The following NEGR1 variants were observed in gnomAD, a reference collection of about 807,000 sequenced individuals.
NEGR1 encodes IgLON family member 4.
A neutral mutation model predicts 40.9 loss-of-function variants in NEGR1; 10 were observed. The ratio of observed to expected loss-of-function variants is 0.24; its 90% CI spans 0.15 to 0.42. The LOEUF is 0.42. NEGR1 is among the 10% of genes least tolerant of loss of function. The pLI is 1.00. For missense variants in NEGR1, 352 were observed against 438.9 expected (o/e 0.80, Z 1.77); for synonymous variants, 185 against 166.8 (o/e 1.11, Z -0.84).
chr1:72,036,498 A>T (rs111504077), intron 1 of NEGR1, among the ~76,000 whole-genome samples: 3,025 of 152,030 alleles, frequency 0.02, 34 homozygotes, highest in Middle Eastern at 0.065. Context: ...TCTACTAAAA[A>T]TACAAAAATT....
intron 1 of NEGR1, among the ~76,000 whole-genome samples, chr1:72,174,958 T>G (rs1374722498): frequency 6.6e-6 from 1 of 151,248 alleles, no homozygotes; most frequent in Non-Finnish European, 1.5e-5. Context: ...ATTTTCTTTT[T>G]ATTTTATTTT....
intron 2 of NEGR1, among the ~76,000 whole-genome samples, chr1:71,857,389 A>T (rs778905506): frequency 6.8e-6 from 1 of 147,670 alleles, no homozygotes; most frequent in Non-Finnish European, 1.5e-5. Flanking sequence ...AGGGAGGTAG[A>T]GTGCTTGAGC....
At chr1:71,807,006 C>T (rs1657801139) in intron 2 of NEGR1, among the ~76,000 whole-genome samples, 1 of 151,458 alleles carries the variant, frequency 6.6e-6, no homozygotes, top group Non-Finnish European at 1.5e-5. Context: ...CATTCTCCTG[C>T]CTCAGCCTCC....
rs563558538 is a variant in NEGR1 at position 71,817,494 on chromosome 1, C to T, written c.410-41197G>A. The stretch of plus-strand genomic sequence containing the variant: ...GCGCTATTCCCTAATAAACATCTTA[C>T]ATGCAAACCCAGCATCTGCTTCCAG... On this transcript the variant is annotated intron_variant, in intron 2 of 6. Transcript: ENST00000357731. 6.4e-4 allele frequency among the ~76,000 whole-genome samples: 97 copies of T among 152,182 alleles called. 2 individuals carry two copies. The South Asian group carries it at 7.9e-3, about 12-fold the overall frequency.
chr1:71,857,457 CAAAAAA>C (rs34177437), intron 2 of NEGR1, among the ~76,000 whole-genome samples: 36 of 77,652 alleles, frequency 4.6e-4, no homozygotes, highest in South Asian at 4.5e-4. Context: ...ACAAAAAATA[CAAAAAA>C]AAAAAAAAAA....
At chr1:72,039,710 G>A (rs1646935394) in intron 1 of NEGR1, among the ~76,000 whole-genome samples, 1 of 151,928 alleles carries the variant, frequency 6.6e-6, no homozygotes, top group Non-Finnish European at 1.5e-5. Context: ...TGAATATGAG[G>A]TCAAATAATA....
In NEGR1 at chr1:71,397,653, T is replaced by C. The variant is rs1646221004; in HGVS notation, c.*9793A>G. ...GCATTCAGTTTTAAAAGGGAAACAG[T>C]ATAAAAGTTTGAAAAATTTACAGAC... On this transcript the variant is annotated 3_prime_UTR_variant, in exon 7 of 7. Coordinates refer to ENST00000357731, the MANE Select transcript of NEGR1 (RefSeq NM_173808.3). 1 of 152,116 alleles carries C rather than the reference T, an allele frequency of 6.6e-6. No homozygotes were observed. Among genetic ancestry groups the C allele is most frequent in the Non-Finnish European group, 1.5e-5 (1 of 68,010 alleles). 9.4% of individuals were successfully genotyped at this position (152,116 alleles called of 1,614,324 possible). A position where few individuals can be genotyped will look rare whatever the true frequency, so the allele number is the denominator to read the frequency against.
chr1:71,470,053 A>G (rs145845597), intron 6 of NEGR1, among the ~76,000 whole-genome samples: 69 of 152,234 alleles, frequency 4.5e-4, no homozygotes, highest in African/African-American at 1.6e-3. Context: ...TTTGTGTGAA[A>G]TAAAGGGACT....
intron 6 of NEGR1, among the ~76,000 whole-genome samples, chr1:71,586,671 T>C (rs1400727762): frequency 6.6e-6 from 1 of 152,146 alleles, no homozygotes; most frequent in East Asian, 1.9e-4. Context: ...GTCTCTCCCA[T>C]ATGCCACTAA....
intron 6 of NEGR1, among the ~76,000 whole-genome samples, chr1:71,521,065 A>G (rs190913076): frequency 5.9e-5 from 9 of 152,150 alleles, no homozygotes; most frequent in African/African-American, 2.2e-4. Context: ...CAGCCCGTTA[A>G]TTTGGGAATT....
At chr1:71,831,947 A>AG (rs1413529887) in intron 2 of NEGR1, among the ~76,000 whole-genome samples, 1 of 151,874 alleles carries the variant, frequency 6.6e-6, no homozygotes, top group Non-Finnish European at 1.5e-5. Flanking sequence ...ATATGGTAAG[A>AG]GGAAACAACT....
intron 2 of NEGR1, among the ~76,000 whole-genome samples, chr1:71,934,806 T>C (rs914144881): frequency 5.9e-5 from 9 of 152,136 alleles, no homozygotes; most frequent in Non-Finnish European, 1.3e-4. Context: ...AATACTTGCA[T>C]ACCTTTTTTT....
At chr1:71,974,578 G>C (rs961379594) in intron 1 of NEGR1, among the ~76,000 whole-genome samples, 2 of 151,998 alleles carry the variant, frequency 1.3e-5, no homozygotes, top group African/African-American at 4.8e-5. Context: ...ATTAATAAAA[G>C]TAATAGTGGT....
intron 3 of NEGR1, among the ~76,000 whole-genome samples, chr1:71,767,850 A>T (rs922451577): frequency 6.6e-6 from 1 of 152,188 alleles, no homozygotes; most frequent in Non-Finnish European, 1.5e-5. Context: ...GCATCCCAGC[A>T]ACTCCAGCTC....
intron 2 of NEGR1, among the ~76,000 whole-genome samples, chr1:71,852,402 T>A (rs1193788381): frequency 1.3e-5 from 2 of 152,098 alleles, no homozygotes; most frequent in Non-Finnish European, 2.9e-5. Context: ...TATTTTTTCA[T>A]CAAACATTAA....
chr1:71,931,486 C>T (rs1401812582), intron 2 of NEGR1, among the ~76,000 whole-genome samples: 1 of 151,956 alleles, frequency 6.6e-6, no homozygotes, highest in East Asian at 1.9e-4. Flanking sequence ...CTGAGAAGTC[C>T]AACAGCATAG....
chr1:72,158,671 T>C (rs898348379), intron 1 of NEGR1, among the ~76,000 whole-genome samples: 2 of 152,196 alleles, frequency 1.3e-5, no homozygotes, highest in African/African-American at 4.8e-5. Flanking sequence ...GAGTTATCTA[T>C]ATAGACATGA....
chr1:72,072,707 A>G (rs1358561544), intron 1 of NEGR1, among the ~76,000 whole-genome samples: 1 of 151,820 alleles, frequency 6.6e-6, no homozygotes, highest in African/African-American at 2.4e-5. Context: ...TCTTCTGGCT[A>G]GCAAAGGCAT....
At chr1:71,822,478 T>C (rs1658465399) in intron 2 of NEGR1, among the ~76,000 whole-genome samples, 1 of 151,942 alleles carries the variant, frequency 6.6e-6, no homozygotes, top group African/African-American at 2.4e-5. Flanking sequence ...CAAATATGAA[T>C]ACTACACATG....
Sources: allele counts gnomAD v4.1 joint callset (sites outside exome capture counted in the v4.1 genomes callset), GRCh38; gene constraint gnomAD v4.1.1; transcripts MANE v1.5; gene names NCBI Gene and HGNC (gene_info 2026-07-23, HGNC 2026-07-21).